Variants in CDH10 observed in about 807,000 individuals in gnomAD.
CDH10 encodes the protein cadherin 10.
CDH10 carries 30 observed loss-of-function variants against 73.1 expected under a neutral mutation model. That is an observed-to-expected ratio of 0.41 (90% CI 0.31 to 0.56). The LOEUF is 0.56. Ranked by LOEUF, CDH10 falls within the 20% of genes least tolerant of loss-of-function variation. The pLI, the probability that CDH10 is intolerant of heterozygous loss-of-function variation, is 0.27. For missense variants in CDH10, 815 were observed against 973.7 expected (o/e 0.84, Z 2.17); for synonymous variants, 345 against 348.2 (o/e 0.99, Z 0.10).
intron 5 of CDH10, among the ~76,000 whole-genome samples, chr5:24,527,410 T>C (rs1243000677): frequency 4.6e-5 from 7 of 150,604 alleles, no homozygotes; most frequent in Non-Finnish European, 1.0e-4. Context: ...TATATTTATA[T>C]TTATACATAC....
intron 5 of CDH10, among the ~76,000 whole-genome samples, chr5:24,524,135 G>T (rs530338033): frequency 1.3e-5 from 2 of 152,106 alleles, no homozygotes; most frequent in African/African-American, 4.8e-5. Context: ...GAAGTTAATC[G>T]TGCTTTCTCT....
At chr5:24,615,456 T>C (rs1042768946) in intron 1 of CDH10, among the ~76,000 whole-genome samples, 5 of 152,186 alleles carry the variant, frequency 3.3e-5, no homozygotes, top group African/African-American at 9.6e-5. Flanking sequence ...ACATTCTACA[T>C]GAGTACAGGA....
At chr5:24,633,443 G>T (rs541591123) in intron 1 of CDH10, among the ~76,000 whole-genome samples, 8 of 151,834 alleles carry the variant, frequency 5.3e-5, no homozygotes, top group Non-Finnish European at 1.2e-4. Flanking sequence ...ACTGAAAAAT[G>T]CATTCAATGA....
intron 2 of CDH10, chr5:24,554,098 AAG>A (rs1561159066): frequency 7.7e-4 from 7 of 9,078 alleles, no homozygotes; most frequent in Admixed American, 1.6e-3. Flanking sequence ...AGAGAGAGAG[AAG>A]GGGAGGTGGG....
At position 24,509,808 on chromosome 5, in the gene CDH10, A is replaced by G. The variant is rs1260448013; in HGVS notation, c.1014T>C (p.Tyr338=). The change falls in exon 7 of 12, where the codon TAT becomes TAC. Residue 338 remains tyrosine (Y), a synonymous_variant. Coordinates refer to ENST00000264463, the MANE Select transcript of CDH10 (RefSeq NM_006727.5). ...TCAGAGTATAAAGTCTTCGGCTCTC[A>G]TAGTCGAGTGGCTGTATAAAAAAAT... The part of the protein sequence containing the change: ...GIITVKKPLD[Y]ESRRLYTLKV... The G allele has an allele frequency of 8.1e-6, 13 of 1,607,456 alleles. No individual in the cohort carries two copies. The highest frequency in any genetic ancestry group is 1.1e-5 in the Non-Finnish European group (13 of 1,177,140).
At chr5:24,537,287 A>G (rs1743990868) in intron 3 of CDH10, 93 bp downstream of exon 3, 2 of 816,008 alleles carry the variant, frequency 2.5e-6, no homozygotes, top group Admixed American at 5.0e-5. Context: ...CAAATCAAAG[A>G]GGATTTCAAT....
At chr5:24,537,239 C>A (rs1743988892) in intron 3 of CDH10, 141 bp downstream of exon 3, 1 of 564,168 alleles carries the variant, frequency 1.8e-6, no homozygotes, top group African/African-American at 2.0e-5. Context: ...CTGATTGTCT[C>A]CTAAAAGAAA....
rs532003197 is a variant in CDH10 at position 24,525,073 on chromosome 5, A to T, written c.814+10039T>A. Among the ~76,000 whole-genome samples, 10 of 152,176 alleles carry T rather than the reference A, an allele frequency of 6.6e-5. No homozygotes were observed. In the East Asian group the frequency reaches 1.9e-3, roughly 29 times the overall value. ...GTAAGCGACTTTGGAGGAAAGATATAATAGGTGATTTAAGAGATGTGACAT... is the reference window on the plus strand; with the variant it reads ...GTAAGCGACTTTGGAGGAAAGATATTATAGGTGATTTAAGAGATGTGACAT... On this transcript the variant is annotated intron_variant, in intron 5 of 11. Coordinates refer to ENST00000264463, the MANE Select transcript of CDH10 (RefSeq NM_006727.5).
intron 1 of CDH10, among the ~76,000 whole-genome samples, chr5:24,604,871 T>TA (rs71576696): frequency 3.4e-4 from 39 of 116,340 alleles, no homozygotes; most frequent in African/African-American, 8.1e-4. Context: ...AAGATGTCTC[T>TA]AAAAAAAAAA....
chr5:24,532,444 T>C (rs1379399362), intron 5 of CDH10, among the ~76,000 whole-genome samples: 2 of 152,090 alleles, frequency 1.3e-5, no homozygotes, highest in South Asian at 2.1e-4. Flanking sequence ...TCAGTTTAAC[T>C]GACCCAAGTG....
chr5:24,617,362 T>C (rs1423993180), intron 1 of CDH10, among the ~76,000 whole-genome samples: 1 of 152,154 alleles, frequency 6.6e-6, no homozygotes, highest in Non-Finnish European at 1.5e-5. Context: ...CTAGAATATT[T>C]GTATTGAGAT....
At chr5:24,493,170 A>G (rs2111652750) in intron 9 of CDH10, among the ~76,000 whole-genome samples, 1 of 152,062 alleles carries the variant, frequency 6.6e-6, no homozygotes, top group South Asian at 2.1e-4. Flanking sequence ...TATATTATTT[A>G]GGGTTTTATT....
intron 1 of CDH10, among the ~76,000 whole-genome samples, chr5:24,640,317 G>A (rs940332164): frequency 2.6e-5 from 4 of 151,592 alleles, no homozygotes; most frequent in African/African-American, 7.2e-5. Flanking sequence ...GTAGAAGAGA[G>A]AGAGAGGGAG....
In CDH10 at chr5:24,583,676, C is replaced by T. The variant is rs545149651; in HGVS notation, c.231+9584G>A. Among the ~76,000 whole-genome samples, 136 of 152,280 alleles carry T rather than the reference C, an allele frequency of 8.9e-4. 2 individuals carry two copies. Among genetic ancestry groups the T allele is most frequent in the Admixed American group, 2.0e-4 (3 of 15,286 alleles). ...TGTTTGTTTTTTTGAGACGGAGTCT[C>T]ACTTTGTTGCCTATGCTGGAGTGCA... On this transcript the variant is annotated intron_variant, in intron 2 of 11. Coordinates refer to ENST00000264463, the MANE Select transcript of CDH10 (RefSeq NM_006727.5).
chr5:24,491,703 G>T lies in CDH10; in HGVS notation c.1749C>A (p.Thr583=), dbSNP rs1208468441. 2 of 1,613,820 alleles carry T rather than the reference G, an allele frequency of 1.2e-6. No homozygotes were observed. The highest frequency in any genetic ancestry group is 1.7e-6 in the Non-Finnish European group (2 of 1,179,768). ...YPIQSSTGTL[T]IRVCACDSQG... is the part of the protein sequence containing the mutation. Reference sequence around the variant, plus strand: ...GGCTGTCACAAGCACACACTCGAATGGTCAGTGTGCCTGTGCTGCTCTGAA... The same window carrying T: ...GGCTGTCACAAGCACACACTCGAATTGTCAGTGTGCCTGTGCTGCTCTGAA... Residue 583 remains threonine, a synonymous_variant, in exon 11 of 12, where the codon ACC becomes ACA. Transcript: ENST00000264463.
chr5:24,630,691 AAAAT>A (rs927251139), intron 1 of CDH10, among the ~76,000 whole-genome samples: 5 of 151,904 alleles, frequency 3.3e-5, no homozygotes, highest in Admixed American at 1.3e-4. Context: ...TAATAATAAT[AAAAT>A]AAATAAACAG....
chr5:24,575,630 T>C (rs1167043592), intron 2 of CDH10, among the ~76,000 whole-genome samples: 1 of 152,118 alleles, frequency 6.6e-6, no homozygotes, highest in African/African-American at 2.4e-5. Context: ...ACATTTTTAT[T>C]GAATGATTGA....
At chr5:24,505,391 A>T in intron 7 of CDH10, 143 bp from the exon 8 acceptor site, 1 of 691,696 alleles carries the variant, frequency 1.4e-6, no homozygotes, top group Non-Finnish European at 2.5e-6. Flanking sequence ...TGTTTGAATG[A>T]CTTTTCCTAG....
At chr5:24,538,664 C>T (rs1293056620) in intron 2 of CDH10, among the ~76,000 whole-genome samples, 4 of 151,396 alleles carry the variant, frequency 2.6e-5, no homozygotes, top group Non-Finnish European at 4.4e-5. Flanking sequence ...GTGACTGAGT[C>T]TAACCTTTGG....
Sources: allele counts gnomAD v4.1 joint callset (sites outside exome capture counted in the v4.1 genomes callset), GRCh38; gene constraint gnomAD v4.1.1; transcripts MANE v1.5; gene names NCBI Gene and HGNC (gene_info 2026-07-23, HGNC 2026-07-21).